The following TENM3 variants were observed in gnomAD, a reference collection of about 807,000 sequenced individuals.
TENM3 encodes the protein teneurin transmembrane protein 3.
Under a neutral mutation model 255.1 loss-of-function variants are expected in TENM3, and 63 were observed. The ratio of observed to expected loss-of-function variants is 0.25; its 90% CI spans 0.20 to 0.30. The LOEUF (loss-of-function observed/expected upper bound fraction) is 0.30, where lower values mean the gene tolerates loss of function less well. Ranked by LOEUF, TENM3 falls within the 10% of genes least tolerant of loss-of-function variation. TENM3 has a pLI of 1.00. For synonymous variants in TENM3, 1,306 were observed against 1,322.3 expected (o/e 0.99, Z 0.27); for missense variants, 2,929 against 3,461.1 (o/e 0.85, Z 3.86).
intron 1 of TENM3, among the ~76,000 whole-genome samples, chr4:182,313,098 A>G (rs1281498338): frequency 1.3e-5 from 2 of 152,020 alleles, no homozygotes; most frequent in East Asian, 3.8e-4. Context: ...TAACCTTATT[A>G]TCTTTATTTT....
chr4:181,958,064 T>A, the TENM3 span, among the ~76,000 whole-genome samples: 11 of 152,330 alleles, frequency 7.2e-5, no homozygotes, highest in African/African-American at 2.6e-4. Flanking sequence ...CAAGTAAGCT[T>A]CTTTGAACTA....
chr4:181,919,986 T>C, the TENM3 span, among the ~76,000 whole-genome samples: 3 of 150,316 alleles, frequency 2.0e-5, no homozygotes, highest in African/African-American at 7.3e-5. Flanking sequence ...ATGCAGTGTT[T>C]GGTTTTTTGT....
chr4:182,346,575 T>TA (rs33933747), intron 2 of TENM3, 76 bp from the exon 3 acceptor site: 1,119 of 874,976 alleles, frequency 1.3e-3, no homozygotes, highest in South Asian at 2.6e-3. Flanking sequence ...AAGACATTCT[T>TA]AAAAAAAAAA....
At chr4:182,797,177 C>G (rs533157093) in intron 27 of TENM3, among the ~76,000 whole-genome samples, 1 of 152,176 alleles carries the variant, frequency 6.6e-6, no homozygotes, top group Non-Finnish European at 1.5e-5. Context: ...AGGGGGCTCA[C>G]GCCTGTAATC....
the TENM3 span, among the ~76,000 whole-genome samples, chr4:181,523,562 A>G: frequency 2.5e-4 from 38 of 152,282 alleles, no homozygotes; most frequent in Middle Eastern, 6.8e-3. Context: ...ACAAGCCTGA[A>G]CCATCAGAAA....
intron 1 of TENM3, among the ~76,000 whole-genome samples, chr4:182,311,857 G>C (rs1315964432): frequency 1.3e-5 from 2 of 152,208 alleles, no homozygotes; most frequent in African/African-American, 4.8e-5. Flanking sequence ...CTGGGCCAGT[G>C]AGACCCATCT....
chr4:181,972,774 T>A, the TENM3 span, among the ~76,000 whole-genome samples: 1 of 152,202 alleles, frequency 6.6e-6, no homozygotes, highest in Non-Finnish European at 1.5e-5. Flanking sequence ...AGGGACAACA[T>A]GTGTTGGATT....
chr4:181,954,268 C>T, the TENM3 span, among the ~76,000 whole-genome samples: 1 of 152,092 alleles, frequency 6.6e-6, no homozygotes, highest in African/African-American at 2.4e-5. Context: ...CATATGTCTT[C>T]ATTGTCTTTG....
the TENM3 span, among the ~76,000 whole-genome samples, chr4:181,915,077 T>C: frequency 6.6e-6 from 1 of 152,140 alleles, no homozygotes; most frequent in Admixed American, 6.6e-5. Flanking sequence ...AAATTGTCAG[T>C]GGTTGGAGGC....
chr4:182,407,439 T>C (rs1477489048), intron 3 of TENM3, among the ~76,000 whole-genome samples: 3 of 152,210 alleles, frequency 2.0e-5, no homozygotes, highest in African/African-American at 7.2e-5. Flanking sequence ...GAAACCTCTA[T>C]AAAGAAATGG....
the TENM3 span, among the ~76,000 whole-genome samples, chr4:181,756,682 A>G: frequency 1.3e-5 from 2 of 152,230 alleles, no homozygotes; most frequent in African/African-American, 4.8e-5. Context: ...CTGCTGCACG[A>G]AAGCAAATGT....
the TENM3 span, among the ~76,000 whole-genome samples, chr4:181,801,588 C>T: frequency 6.9e-6 from 1 of 145,768 alleles, no homozygotes; most frequent in African/African-American, 2.5e-5. Flanking sequence ...CAAACTGCAG[C>T]CCTAAGGCTG....
intron 1 of TENM3, among the ~76,000 whole-genome samples, chr4:182,205,366 A>AGT (rs1289362077): frequency 1.3e-5 from 2 of 152,216 alleles, no homozygotes; most frequent in Non-Finnish European, 1.5e-5. Flanking sequence ...ACTTCTAGAA[A>AGT]CCTGGGTCTT....
the TENM3 span, among the ~76,000 whole-genome samples, chr4:181,974,436 T>C: frequency 6.6e-6 from 1 of 151,960 alleles, no homozygotes; most frequent in Non-Finnish European, 1.5e-5. Flanking sequence ...GGCATGCTGG[T>C]GCATGCCTGT....
At chr4:182,279,781 T>C (rs760475080) in intron 1 of TENM3, among the ~76,000 whole-genome samples, 6 of 152,222 alleles carry the variant, frequency 3.9e-5, no homozygotes, top group Non-Finnish European at 7.3e-5. Flanking sequence ...ATTTTTGCTG[T>C]AAACTCATCT....
the TENM3 span, among the ~76,000 whole-genome samples, chr4:181,929,618 A>T: frequency 6.6e-6 from 1 of 152,342 alleles, no homozygotes; most frequent in Middle Eastern, 3.4e-3. Flanking sequence ...TATTAGACAG[A>T]TCAATGAGAC....
intron 24 of TENM3, among the ~76,000 whole-genome samples, chr4:182,786,655 T>G (rs1348616030): frequency 6.6e-6 from 1 of 151,968 alleles, no homozygotes; most frequent in East Asian, 1.9e-4. Context: ...TGGTCCAGAT[T>G]TCCCATACTC....
At chr4:182,437,267 T>C (rs1055740162) in intron 3 of TENM3, among the ~76,000 whole-genome samples, 3 of 152,120 alleles carry the variant, frequency 2.0e-5, no homozygotes, top group Non-Finnish European at 4.4e-5. Flanking sequence ...AACCAAAGCT[T>C]GATCTGTAAT....
the TENM3 span, chr4:182,084,965 G>A: frequency 6.6e-6 from 1 of 152,112 alleles, no homozygotes. Flanking sequence ...TGAACCGTAT[G>A]ACAAAATGCA....
Sources: allele counts gnomAD v4.1 joint callset (sites outside exome capture counted in the v4.1 genomes callset), GRCh38; gene constraint gnomAD v4.1.1; transcripts MANE v1.5; gene names NCBI Gene and HGNC (gene_info 2026-07-23, HGNC 2026-07-21).